CLCN6: variants seen among roughly 807,000 people sequenced by gnomAD.
CLCN6 encodes H(+)/Cl(-) exchange transporter 6.
CLCN6 carries 70 observed loss-of-function variants against 109.8 expected under a neutral mutation model. The observed-to-expected ratio is 0.64, with a 90% confidence interval of 0.53 to 0.78. The LOEUF is 0.78. CLCN6 is among the 30% of genes least tolerant of loss of function. The pLI is 0.00. For missense variants in CLCN6, 984 were observed against 1,142.3 expected, an observed-to-expected ratio of 0.86 and a Z score of 2.00; for synonymous variants, 444 against 447.8, an observed-to-expected ratio of 0.99 and a Z score of 0.11.
At chr1:11,835,220 G>C (rs902284142) in intron 17 of CLCN6, among the ~76,000 whole-genome samples, 2 of 152,218 alleles carry the variant, frequency 1.3e-5, no homozygotes, top group African/African-American at 4.8e-5. Flanking sequence ...GTGGGCTACA[G>C]TTTGCTGTGC....
intron 4 of CLCN6, among the ~76,000 whole-genome samples, chr1:11,817,767 ATG>A (rs1469850199): frequency 2.8e-5 from 4 of 144,330 alleles, no homozygotes; most frequent in African/African-American, 1.2e-4. Flanking sequence ...AAATGTACAC[ATG>A]TGTTCGGTAT....
intron 6 of CLCN6, 81 bp downstream of exon 6, chr1:11,822,882 C>A: frequency 2.2e-6 from 2 of 895,446 alleles, no homozygotes; most frequent in Non-Finnish European, 3.7e-6. Context: ...TCCAGAATGT[C>A]AGGAAACTGA....
intron 5 of CLCN6, 31 bp from the exon 6 acceptor site, chr1:11,822,664 T>A (rs1479231181): frequency 7.2e-7 from 1 of 1,385,246 alleles, no homozygotes; most frequent in African/African-American, 1.4e-5. Context: ...CCTCGGCTGA[T>A]GAACAAGTTT....
In CLCN6 at chr1:11,833,614, A is replaced by G. The variant is rs200128570; in HGVS notation, c.1348A>G (p.Ile450Val). ...CTTCTTCAACCCGCAGGAGTCTGCCATCCTCCAGCTCTTCCACCAGGATGG... is the reference window on the plus strand; with the variant it reads ...CTTCTTCAACCCGCAGGAGTCTGCCGTCCTCCAGCTCTTCCACCAGGATGG... ...TLFFNPQESA[I>V]LQLFHQDGTF... The change falls in exon 14 of 23, where the codon ATC (isoleucine) becomes GTC (valine). Residue 450 changes from isoleucine to valine, a missense_variant. Transcript: ENST00000346436. The G allele has an allele frequency of 3.7e-6, 6 of 1,613,900 alleles. No homozygotes were observed. Among genetic ancestry groups the G allele is most frequent in the African/African-American group, 2.7e-5 (2 of 75,066 alleles).
intron 2 of CLCN6, among the ~76,000 whole-genome samples, chr1:11,811,803 A>G (rs549703766): frequency 6.6e-6 from 1 of 152,150 alleles, no homozygotes; most frequent in South Asian, 2.1e-4. Flanking sequence ...CTTTCTGTCT[A>G]TTTGCCTATT....
intron 22 of CLCN6, chr1:11,838,896 C>T: frequency 2.8e-6 from 2 of 723,978 alleles, no homozygotes; most frequent in Non-Finnish European, 5.1e-6. Flanking sequence ...AGCCGCGCCT[C>T]TACCAGGCTG....
At chr1:11,828,299 A>C (rs754280746) in intron 11 of CLCN6, 80 bp downstream of exon 11, 73 of 1,451,308 alleles carry the variant, frequency 5.0e-5, no homozygotes, top group Middle Eastern at 1.7e-4. Flanking sequence ...GAGAGAAATG[A>C]GCAGAGGGCT....
chr1:11,807,026 G>T, intron 1 of CLCN6, 105 bp from the exon 2 acceptor site: 1 of 1,006,816 alleles, frequency 9.9e-7, no homozygotes, highest in Non-Finnish European at 1.5e-6. Context: ...ATTTGATAAT[G>T]GCTCCAGATG....
intron 3 of CLCN6, among the ~76,000 whole-genome samples, chr1:11,816,328 G>GTGGT (rs1557780501): frequency 6.6e-6 from 1 of 152,110 alleles, no homozygotes; most frequent in African/African-American, 2.4e-5. Context: ...TTGCTTTATT[G>GTGGT]TGGTGGTCTA....
intron 7 of CLCN6, among the ~76,000 whole-genome samples, 164 bp downstream of exon 7, chr1:11,823,997 A>G (rs1410114021): frequency 6.6e-6 from 1 of 152,246 alleles, no homozygotes; most frequent in Non-Finnish European, 1.5e-5. Context: ...CACTGTTCGT[A>G]TGTTACCATT....
intron 5 of CLCN6, among the ~76,000 whole-genome samples, chr1:11,821,916 T>A (rs376689419): frequency 2.0e-5 from 3 of 151,560 alleles, no homozygotes; most frequent in East Asian, 3.9e-4. Context: ...AACCACAGAG[T>A]TGTGTGTATC....
At chr1:11,811,673 C>T (rs1311074780) in intron 2 of CLCN6, among the ~76,000 whole-genome samples, 5 of 152,140 alleles carry the variant, frequency 3.3e-5, no homozygotes, top group Admixed American at 6.6e-5. Flanking sequence ...TGAGCCACTG[C>T]GCCCAGCTAA....
chr1:11,838,814 T>C lies in CLCN6; in HGVS notation c.2529+154T>C. 6.2e-6 allele frequency: 7 copies of C among 1,120,750 alleles called. No individual in the cohort carries two copies. The South Asian group carries it at 8.8e-5, about 14-fold the overall frequency. 69.4% of individuals were successfully genotyped at this position (1,120,750 alleles called of 1,614,324 possible). A position where few individuals can be genotyped will look rare whatever the true frequency, so the allele number is the denominator to read the frequency against. ...AGCTTTGAACCCTGCTCGGCTTCCGTGCACTCGGGACCCTTTCCCCTGCCT... is the reference window on the plus strand; with the variant it reads ...AGCTTTGAACCCTGCTCGGCTTCCGCGCACTCGGGACCCTTTCCCCTGCCT... On this transcript the variant is annotated intron_variant, in intron 22 of 22. Coordinates refer to ENST00000346436, the MANE Select transcript of CLCN6 (RefSeq NM_001286.5).
rs541589708 is a variant in CLCN6 at position 11,814,460 on chromosome 1, C to T, written c.148-1386C>T. On this transcript the variant is annotated intron_variant, in intron 2 of 22. Transcript: ENST00000346436. ...ATGGGGTTTCACCATCTTGCCTAGG[C>T]TGGTCTCGAACTTCTGGCCTCAAGT... Among the ~76,000 whole-genome samples the T allele has an allele frequency of 5.9e-5, 9 of 152,048 alleles. No homozygotes were observed. The South Asian group carries it at 1.7e-3, about 28-fold the overall frequency.
chr1:11,816,095 A>G (rs960328591), intron 3 of CLCN6, 184 bp downstream of exon 3: 9 of 572,686 alleles, frequency 1.6e-5, no homozygotes, highest in African/African-American at 5.7e-5. Flanking sequence ...AGGTTTTACA[A>G]ACTGGAGGTT....
At position 11,833,546 on chromosome 1, in the gene CLCN6, CA is replaced by C. The variant is rs1297271377; in HGVS notation, c.1281del (p.Cys430ValfsTer73). The C allele has an allele frequency of 6.2e-7, 1 of 1,613,922 alleles. No homozygotes were observed. Among genetic ancestry groups the C allele is most frequent in the Non-Finnish European group, 8.5e-7 (1 of 1,179,880 alleles). On this transcript the variant is annotated frameshift_variant, in exon 14 of 23. Coordinates refer to ENST00000346436, the MANE Select transcript of CLCN6 (RefSeq NM_001286.5). LOFTEE classifies it high-confidence loss of function. ...VTEDVNSSIK[T>X]FFCPNDTYND... is the part of the protein sequence containing the mutation. ...GAAGATGTGAATTCAAGTATCAAGA[CA>C]TTTTTTTGTCCCAATGATACCTACA... is the stretch of plus-strand genomic sequence containing the variant.
In CLCN6 at chr1:11,822,812, T is replaced by G; in HGVS notation, c.453+11T>G. 6.3e-7 allele frequency: 1 copy of G among 1,574,978 alleles called. No individual in the cohort carries two copies. The highest frequency in any genetic ancestry group is 1.1e-5 in the South Asian group (1 of 90,310). ...CTTGTTCTCATTGAGGTGAGGTGGTTTGGATTCACCTGCTCGCTTAGGAGG... is the reference window on the plus strand; with the variant it reads ...CTTGTTCTCATTGAGGTGAGGTGGTGTGGATTCACCTGCTCGCTTAGGAGG... On this transcript the variant is annotated intron_variant, in intron 6 of 22. Coordinates refer to ENST00000346436, the MANE Select transcript of CLCN6 (RefSeq NM_001286.5).
intron 17 of CLCN6, among the ~76,000 whole-genome samples, chr1:11,835,289 T>C (rs181977566): frequency 1.3e-5 from 2 of 152,314 alleles, no homozygotes; most frequent in East Asian, 1.9e-4. Context: ...TTTTTCTTTT[T>C]TGGGACAGGA....
chr1:11,826,044 C>T, intron 8 of CLCN6, 112 bp from the exon 9 acceptor site: 1 of 767,996 alleles, frequency 1.3e-6, no homozygotes, highest in Non-Finnish European at 2.2e-6. Context: ...AGTTTCAGTC[C>T]TAGGCTGCCC....
Sources: allele counts gnomAD v4.1 joint callset (sites outside exome capture counted in the v4.1 genomes callset), GRCh38; gene constraint gnomAD v4.1.1; transcripts MANE v1.5; gene names NCBI Gene and HGNC (gene_info 2026-07-23, HGNC 2026-07-21).